The following NAALADL2 variants were observed in gnomAD, a reference collection of about 807,000 sequenced individuals.
NAALADL2 encodes inactive N-acetylated-alpha-linked acidic dipeptidase-like protein 2.
NAALADL2 carries 76 observed loss-of-function variants against 87.2 expected under a neutral mutation model. The ratio of observed to expected loss-of-function variants is 0.87; its 90% CI spans 0.72 to 1.05. The LOEUF (loss-of-function observed/expected upper bound fraction) is 1.05, where lower values mean the gene tolerates loss of function less well. NAALADL2 is among the 50% of genes least tolerant of loss of function. The pLI is 0.00. For missense variants in NAALADL2, 1,089 were observed against 945.8 expected, an observed-to-expected ratio of 1.15 and a Z score of -1.99; for synonymous variants, 354 against 331.0, an observed-to-expected ratio of 1.07 and a Z score of -0.75.
chr3:175,001,924 G>A (rs183977614), intron 1 of NAALADL2, among the ~76,000 whole-genome samples: 15 of 152,172 alleles, frequency 9.9e-5, no homozygotes, highest in Admixed American at 7.2e-4. Context: ...TCTTTAGTGG[G>A]TGGCCAAGGA....
At chr3:175,496,671 C>T (rs1224245444) in intron 9 of NAALADL2, among the ~76,000 whole-genome samples, 2 of 152,106 alleles carry the variant, frequency 1.3e-5, no homozygotes, top group Non-Finnish European at 2.9e-5. Context: ...TCTCCCACCT[C>T]AACCTTCGAG....
Position 174,863,197 on chromosome 3 carries a change from C to G in NAALADL2, c.43+3747C>G, listed in dbSNP as rs191189480. ...GAAGCCATTGCCAGAGGCCACGTCTCTAACCTGCTGCTCAAAACTGCGTTT... is the reference window on the plus strand; with the variant it reads ...GAAGCCATTGCCAGAGGCCACGTCTGTAACCTGCTGCTCAAAACTGCGTTT... On this transcript the variant is annotated intron_variant, in intron 1 of 13. Transcript: ENST00000454872. 2.0e-5 allele frequency among the ~76,000 whole-genome samples: 3 copies of G among 152,278 alleles called. 1 individual carries two copies. The highest frequency in any genetic ancestry group is 7.2e-5 in the African/African-American group (3 of 41,574).
At chr3:174,701,349 T>A (rs1273209356) in intron 2 of NAALADL2, among the ~76,000 whole-genome samples, 1 of 151,932 alleles carries the variant, frequency 6.6e-6, no homozygotes, top group Non-Finnish European at 1.5e-5. Context: ...TATGAGCTAA[T>A]TAAAAATCTG....
At chr3:175,777,297 T>C (rs928605208) in intron 13 of NAALADL2, among the ~76,000 whole-genome samples, 1 of 152,064 alleles carries the variant, frequency 6.6e-6, no homozygotes, top group Non-Finnish European at 1.5e-5. Flanking sequence ...TTCTAAATCC[T>C]GACTCTACTA....
intron 2 of NAALADL2, among the ~76,000 whole-genome samples, chr3:174,713,417 C>T (rs1319761765): frequency 3.3e-5 from 5 of 152,124 alleles, no homozygotes; most frequent in East Asian, 1.9e-4. Context: ...TACAGTCCCA[C>T]CAACAGTGTA....
chr3:175,423,047 A>G (rs1716029325), intron 5 of NAALADL2, among the ~76,000 whole-genome samples: 5 of 114,198 alleles, frequency 4.4e-5, no homozygotes, highest in Admixed American at 2.9e-4. Flanking sequence ...ATATATATAT[A>G]TATATTTTTT....
chr3:175,557,865 A>G (rs950577991), intron 9 of NAALADL2, among the ~76,000 whole-genome samples: 1 of 152,150 alleles, frequency 6.6e-6, no homozygotes, highest in Non-Finnish European at 1.5e-5. Context: ...ACCTTTTAAT[A>G]TACCTGTTTG....
chr3:175,364,928 C>A lies in NAALADL2; in HGVS notation c.1090+40603C>A, dbSNP rs1356114664. On this transcript the variant is annotated intron_variant, in intron 5 of 13. Coordinates refer to ENST00000454872, the MANE Select transcript of NAALADL2 (RefSeq NM_207015.3). ...GACAAATATGTTTTACTTATATTCTCTATGACTATCTAGTAACTTGGGGAA... is the reference window on the plus strand; with the variant it reads ...GACAAATATGTTTTACTTATATTCTATATGACTATCTAGTAACTTGGGGAA... Among the ~76,000 whole-genome samples the A allele has an allele frequency of 4.1e-5, 6 of 147,486 alleles. 1 individual carries two copies. Among genetic ancestry groups the A allele is most frequent in the African/African-American group, 1.5e-4 (6 of 40,680 alleles).
intron 2 of NAALADL2, among the ~76,000 whole-genome samples, chr3:174,627,035 A>T (rs1004831089): frequency 6.6e-6 from 1 of 152,130 alleles, no homozygotes; most frequent in Non-Finnish European, 1.5e-5. Flanking sequence ...ATTTATTGAG[A>T]CTTTTTAGTA....
At chr3:174,929,533 T>C (rs900706321) in intron 1 of NAALADL2, among the ~76,000 whole-genome samples, 2 of 152,158 alleles carry the variant, frequency 1.3e-5, no homozygotes, top group Middle Eastern at 6.3e-3. Context: ...TATGTAAGTA[T>C]GTATGTGTAC....
intron 5 of NAALADL2, among the ~76,000 whole-genome samples, chr3:175,338,620 CAA>C (rs1301353046): frequency 2.2e-5 from 1 of 46,152 alleles, no homozygotes; most frequent in Non-Finnish European, 4.3e-5. Flanking sequence ...AAAAACACCA[CAA>C]ACACACACAC....
chr3:175,107,476 C>G (rs1376050095), intron 2 of NAALADL2, among the ~76,000 whole-genome samples: 1 of 151,252 alleles, frequency 6.6e-6, no homozygotes, highest in Non-Finnish European at 1.5e-5. Flanking sequence ...ATAAACCAAT[C>G]TAGCTCTTTT....
chr3:174,813,216 A>T (rs1201710811), intron 3 of NAALADL2, among the ~76,000 whole-genome samples: 2 of 152,162 alleles, frequency 1.3e-5, no homozygotes, highest in Non-Finnish European at 2.9e-5. Context: ...ACATTGGAAG[A>T]AGAAGAATTG....
chr3:175,727,789 G>A (rs1379806082), intron 11 of NAALADL2, among the ~76,000 whole-genome samples: 15 of 152,134 alleles, frequency 9.9e-5, no homozygotes, highest in Admixed American at 9.8e-4. Context: ...CCTTTGGCAA[G>A]GCCTCCTAAG....
chr3:174,770,794 G>A (rs1483330528), intron 3 of NAALADL2, among the ~76,000 whole-genome samples: 3 of 151,350 alleles, frequency 2.0e-5, no homozygotes, highest in South Asian at 2.1e-4. Flanking sequence ...AGCCGAGATC[G>A]TGCCACTACA....
intron 4 of NAALADL2, among the ~76,000 whole-genome samples, chr3:175,279,767 G>A (rs1289326980): frequency 7.4e-5 from 11 of 148,582 alleles, no homozygotes; most frequent in African/African-American, 2.8e-4. Context: ...CGCTGAATAA[G>A]ATCCTCTGCA....
intron 2 of NAALADL2, chr3:174,692,155 A>G (rs1728636294): frequency 6.6e-6 from 1 of 152,254 alleles, no homozygotes; most frequent in African/African-American, 2.4e-5. Flanking sequence ...CAATCAGAGG[A>G]ATCACTATGT....
At chr3:175,188,390 G>A (rs35581236) in intron 2 of NAALADL2, among the ~76,000 whole-genome samples, 4,589 of 152,144 alleles carry the variant, frequency 0.03, 147 homozygotes, top group African/African-American at 0.084. Context: ...CCCCACCCCC[G>A]TGAGGGCCAG....
chr3:174,506,567 C>A (rs972315426), intron 1 of NAALADL2, among the ~76,000 whole-genome samples: 2 of 151,892 alleles, frequency 1.3e-5, no homozygotes, highest in Non-Finnish European at 2.9e-5. Context: ...TAGTTTTTCA[C>A]CATATAAATA....
Sources: gnomAD v4.1 joint callset for allele counts (sites outside exome capture counted in the v4.1 genomes callset) on GRCh38, gnomAD v4.1.1 for gene constraint, MANE v1.5 for transcripts, NCBI Gene and HGNC (gene_info 2026-07-23, HGNC 2026-07-21) for gene names.